Variants in CTTNBP2NL observed in about 807,000 individuals in gnomAD.
CTTNBP2NL encodes the protein CTTNBP2 N-terminal like.
In CTTNBP2NL, 16 loss-of-function variants were observed where a neutral mutation model predicts 32.5. The ratio of observed to expected loss-of-function variants is 0.49; its 90% CI spans 0.33 to 0.75. CTTNBP2NL has a LOEUF of 0.75. Ranked by LOEUF, CTTNBP2NL falls within the 30% of genes least tolerant of loss-of-function variation. The probability of loss-of-function intolerance (pLI) is 0.02; values close to 1 mark genes in which losing one functional copy is unlikely to be tolerated. For missense variants in CTTNBP2NL, 645 were observed against 756.0 expected (o/e 0.85, Z 1.72); for synonymous variants, 298 against 289.4 (o/e 1.03, Z -0.30).
chr1:112,392,717 C>T (rs1020979078), upstream of CTTNBP2NL, among the ~76,000 whole-genome samples: 10 of 151,986 alleles, frequency 6.6e-5, no homozygotes, highest in South Asian at 2.1e-4. Context: ...CATGTGAAGA[C>T]GGAGGCAGGT....
chr1:112,396,018 A>G (rs1648310841), upstream of CTTNBP2NL, among the ~76,000 whole-genome samples: 1 of 152,230 alleles, frequency 6.6e-6, no homozygotes, highest in Non-Finnish European at 1.5e-5. Context: ...TTCCTCCCGG[A>G]AGTGACGCGA....
rs370459133 is a variant in CTTNBP2NL at position 112,426,662 on chromosome 1, A to G, written c.99+10398A>G. 1.6e-3 allele frequency among the ~76,000 whole-genome samples: 224 copies of G among 141,198 alleles called. 1 individual carries two copies. The highest frequency in any genetic ancestry group is 5.6e-3 in the African/African-American group (210 of 37,232). 92.6% of individuals were successfully genotyped at this position (141,198 alleles called of 152,430 possible). A position where few individuals can be genotyped will look rare whatever the true frequency, so the allele number is the denominator to read the frequency against. On this transcript the variant is annotated intron_variant, in intron 3 of 5. Coordinates refer to ENST00000271277, the MANE Select transcript of CTTNBP2NL (RefSeq NM_018704.3). ...TTGCCCTTTACTGAGGTTGGAGTGC[A>G]GTGGCATGATCTCGGCTCACTGCTA...
upstream of CTTNBP2NL, among the ~76,000 whole-genome samples, chr1:112,391,654 T>C (rs565219887): frequency 1.8e-4 from 27 of 152,288 alleles, no homozygotes; most frequent in African/African-American, 6.3e-4. Flanking sequence ...CTACTAAGCC[T>C]TCATTGCCAC....
chr1:112,416,164 A>G lies in CTTNBP2NL; in HGVS notation c.-2A>G. The G allele has an allele frequency of 6.4e-6, 10 of 1,559,996 alleles. No homozygotes were observed. The highest frequency in any genetic ancestry group is 8.8e-6 in the Non-Finnish European group (10 of 1,138,210). Reference sequence around the variant, plus strand: ...TTGTTACCTTTGTTTCAGGCTTTCAAGATGAATCTGGAAAAACTCAGCAAG... The same window carrying G: ...TTGTTACCTTTGTTTCAGGCTTTCAGGATGAATCTGGAAAAACTCAGCAAG... On this transcript the variant is annotated 5_prime_UTR_variant, in exon 3 of 6. Coordinates refer to ENST00000271277, the MANE Select transcript of CTTNBP2NL (RefSeq NM_018704.3).
At chr1:112,423,977 C>T (rs1487665769) in intron 3 of CTTNBP2NL, among the ~76,000 whole-genome samples, 1 of 152,216 alleles carries the variant, frequency 6.6e-6, no homozygotes, top group Admixed American at 6.5e-5. Context: ...CTCGCCTCAG[C>T]CTCCCAAAGT....
chr1:112,431,238 A>T (rs2101016268), intron 3 of CTTNBP2NL, among the ~76,000 whole-genome samples: 1 of 152,338 alleles, frequency 6.6e-6, no homozygotes, highest in South Asian at 2.1e-4. Context: ...GAAATAGCTT[A>T]TTCCTATTTT....
intron 1 of CTTNBP2NL, among the ~76,000 whole-genome samples, chr1:112,402,590 A>G (rs1171394906): frequency 6.6e-6 from 1 of 152,194 alleles, no homozygotes; most frequent in Non-Finnish European, 1.5e-5. Context: ...TTGTTGGAGA[A>G]TGGGGGCTCC....
chr1:112,422,581 G>A (rs374214240), intron 3 of CTTNBP2NL, among the ~76,000 whole-genome samples: 1 of 152,240 alleles, frequency 6.6e-6, no homozygotes, highest in East Asian at 1.9e-4. Context: ...TTTGCAAAGC[G>A]ATTGTACCAT....
chr1:112,403,529 A>T (rs1648567327), intron 1 of CTTNBP2NL, among the ~76,000 whole-genome samples: 1 of 152,258 alleles, frequency 6.6e-6, no homozygotes, highest in Non-Finnish European at 1.5e-5. Flanking sequence ...ATGTAATAGA[A>T]TGTGATAACT....
At chr1:112,417,037 C>T (rs1468796135) in intron 3 of CTTNBP2NL, among the ~76,000 whole-genome samples, 1 of 152,180 alleles carries the variant, frequency 6.6e-6, no homozygotes, top group Non-Finnish European at 1.5e-5. Flanking sequence ...GTTAGTCTCA[C>T]TTCTTTGCCC....
intron 4 of CTTNBP2NL, among the ~76,000 whole-genome samples, chr1:112,452,868 A>G (rs954041508): frequency 6.6e-6 from 1 of 151,768 alleles, no homozygotes; most frequent in African/African-American, 2.4e-5. Context: ...CACACCTGTA[A>G]TCCCATCACT....
chr1:112,458,546 G>A lies in CTTNBP2NL; in HGVS notation c.*1134G>A, dbSNP rs2101038640. ...TTTGGAGTTTGCAATATAGCATAAAGGACAAGTAGAACTGCACATTAAGAT... is the reference window on the plus strand; with the variant it reads ...TTTGGAGTTTGCAATATAGCATAAAAGACAAGTAGAACTGCACATTAAGAT... On this transcript the variant is annotated 3_prime_UTR_variant, in exon 6 of 6. Transcript: ENST00000271277. 1 of 152,202 alleles carries A rather than the reference G, an allele frequency of 6.6e-6. No individual in the cohort carries two copies. The highest frequency in any genetic ancestry group is 1.5e-5 in the Non-Finnish European group (1 of 68,032). The allele number at this position is 152,202 out of a possible 1,614,324, so 9.4% of individuals were successfully genotyped here. A position where few individuals can be genotyped will look rare whatever the true frequency, so the allele number is the denominator to read the frequency against.
upstream of CTTNBP2NL, among the ~76,000 whole-genome samples, chr1:112,391,216 G>A (rs904044363): frequency 1.3e-4 from 20 of 152,344 alleles, no homozygotes; most frequent in African/African-American, 4.3e-4. Flanking sequence ...AGCCTGGTCC[G>A]GGGCTTGGAG....
At chr1:112,440,175 A>G (rs1239747206) in intron 3 of CTTNBP2NL, among the ~76,000 whole-genome samples, 1 of 152,140 alleles carries the variant, frequency 6.6e-6, no homozygotes, top group Non-Finnish European at 1.5e-5. Flanking sequence ...AGTCCAGAAA[A>G]CTTTCCCAGA....
At chr1:112,419,771 A>G (rs1342077415) in intron 3 of CTTNBP2NL, among the ~76,000 whole-genome samples, 1 of 152,238 alleles carries the variant, frequency 6.6e-6, no homozygotes, top group Admixed American at 6.5e-5. Flanking sequence ...GCTTGATAAC[A>G]GATCTTTGAA....
At chr1:112,407,878 T>C (rs1648722951) in intron 1 of CTTNBP2NL, among the ~76,000 whole-genome samples, 1 of 138,550 alleles carries the variant, frequency 7.2e-6, no homozygotes. Context: ...AGGGTCTCGC[T>C]GTATTGCCCG....
chr1:112,458,154 A>G lies in CTTNBP2NL; in HGVS notation c.*742A>G, dbSNP rs1650433779. 1 of 152,644 alleles carries G rather than the reference A, an allele frequency of 6.6e-6. No individual in the cohort carries two copies. Among genetic ancestry groups the G allele is most frequent in the South Asian group, 2.1e-4 (1 of 4,830 alleles). 9.5% of individuals were successfully genotyped at this position (152,644 alleles called of 1,614,324 possible). ...TTGAACAGAATGAAATCACATCTCC[A>G]TTCAAAAAATGTCTCAAGCATCTAC... On this transcript the variant is annotated 3_prime_UTR_variant, in exon 6 of 6. Transcript: ENST00000271277.
At chr1:112,433,309 C>T (rs1391241834) in intron 3 of CTTNBP2NL, among the ~76,000 whole-genome samples, 4 of 151,974 alleles carry the variant, frequency 2.6e-5, no homozygotes, top group Non-Finnish European at 5.9e-5. Context: ...TAAAATTCCC[C>T]GTGGCTGGGC....
chr1:112,396,714 G>A (rs148582989), intron 1 of CTTNBP2NL: 1 of 152,242 alleles, frequency 6.6e-6, no homozygotes, highest in East Asian at 1.9e-4. Context: ...GATAAAATTG[G>A]TGTTTCCCAA....
Sources: gnomAD v4.1 joint callset for allele counts (sites outside exome capture counted in the v4.1 genomes callset) on GRCh38, gnomAD v4.1.1 for gene constraint, MANE v1.5 for transcripts, NCBI Gene and HGNC (gene_info 2026-07-23, HGNC 2026-07-21) for gene names.